PRKAG2: variants seen among roughly 807,000 people sequenced by gnomAD.
PRKAG2 encodes the protein 5'-AMP-activated protein kinase subunit gamma-2.
A neutral mutation model predicts 69.6 loss-of-function variants in PRKAG2; 26 were observed. The observed-to-expected ratio is 0.37, with a 90% CI of 0.27 to 0.52. The LOEUF (loss-of-function observed/expected upper bound fraction) is 0.52. Among genes scored for constraint, PRKAG2 ranks in the 20% least tolerant of loss-of-function variants. The pLI is 0.90. For missense variants in PRKAG2, 557 were observed against 740.0 expected, an observed-to-expected ratio of 0.75 and a Z score of 2.87; for synonymous variants, 293 against 285.0, an observed-to-expected ratio of 1.03 and a Z score of -0.28.
intron 1 of PRKAG2, chr7:151,809,253 A>G (rs1348721977): frequency 1.1e-5 from 5 of 456,470 alleles, no homozygotes; most frequent in Admixed American, 7.0e-5. Flanking sequence ...AAACAGGTGA[A>G]TCCCTAGGCC....
At chr7:151,773,362 A>C (rs2076183830) in intron 3 of PRKAG2, among the ~76,000 whole-genome samples, 1 of 152,212 alleles carries the variant, frequency 6.6e-6, no homozygotes, top group African/African-American at 2.4e-5. Context: ...TAGATCCCTA[A>C]GATCTATTCC....
At chr7:151,735,852 C>T (rs2151697420) in intron 3 of PRKAG2, 1 of 1,535,514 alleles carries the variant, frequency 6.5e-7, no homozygotes, top group African/African-American at 1.4e-5. Context: ...CGTGGGGTTC[C>T]CTCCCAAGGA....
intron 3 of PRKAG2, among the ~76,000 whole-genome samples, chr7:151,754,781 C>T (rs573227010): frequency 9.3e-5 from 14 of 150,266 alleles, no homozygotes; most frequent in Admixed American, 3.3e-4. Context: ...TCCAGCACTT[C>T]GAGCTGCACC....
chr7:151,867,910 C>T (rs1431511205), intron 1 of PRKAG2, among the ~76,000 whole-genome samples: 2 of 152,214 alleles, frequency 1.3e-5, no homozygotes, highest in Non-Finnish European at 2.9e-5. Context: ...CAGTGGAGGT[C>T]ACTGCAGGGC....
chr7:151,709,245 A>T (rs1395879029), intron 3 of PRKAG2, among the ~76,000 whole-genome samples: 1 of 151,946 alleles, frequency 6.6e-6, no homozygotes, highest in Admixed American at 6.6e-5. Flanking sequence ...TGTGAAATCG[A>T]TTTGTGACAA....
chr7:151,613,028 C>T (rs899410801), intron 5 of PRKAG2, among the ~76,000 whole-genome samples: 3 of 152,102 alleles, frequency 2.0e-5, no homozygotes, highest in Non-Finnish European at 2.9e-5. Flanking sequence ...GGAGCCCAGC[C>T]GATGTGTCCC....
At chr7:151,724,129 C>T (rs4726086) in intron 3 of PRKAG2, among the ~76,000 whole-genome samples, 89,299 of 151,992 alleles carry the variant, frequency 0.59, 27,456 homozygotes, top group East Asian at 0.89. Context: ...GCCCTGGGTC[C>T]GGGGGGTGCT....
chr7:151,613,504 TTA>T (rs1819358425), intron 5 of PRKAG2, among the ~76,000 whole-genome samples: 1 of 152,116 alleles, frequency 6.6e-6, no homozygotes, highest in African/African-American at 2.4e-5. Context: ...GGTTTTTATT[TTA>T]TATATGTTTG....
chr7:151,704,743 A>G (rs1438862821), intron 3 of PRKAG2, among the ~76,000 whole-genome samples: 1 of 152,146 alleles, frequency 6.6e-6, no homozygotes, highest in Admixed American at 6.5e-5. Context: ...ACTGCAATCC[A>G]CGCGGCACCT....
chr7:151,702,835 A>G lies in PRKAG2; in HGVS notation c.467-27198T>C, dbSNP rs551287690. Among the ~76,000 whole-genome samples the G allele has an allele frequency of 2.8e-3, 429 of 152,302 alleles. 1 individual carries two copies. Among genetic ancestry groups the G allele is most frequent in the African/African-American group, 9.7e-3 (404 of 41,572 alleles). On this transcript the variant is annotated intron_variant, in intron 3 of 15. Transcript: ENST00000287878. ...CAAGGAGGGCGAGGACCAGAGCCCA[A>G]AGGTCTCTCCTGGGAAGGGTCCAAG... is the stretch of plus-strand genomic sequence containing the variant.
chr7:151,565,672 C>A, intron 12 of PRKAG2, 48 bp downstream of exon 12: 1 of 1,578,558 alleles, frequency 6.3e-7, no homozygotes, highest in South Asian at 1.1e-5. Flanking sequence ...AATAATTGCA[C>A]CCTGAGATAA....
At chr7:151,770,430 T>G (rs1005757757) in intron 3 of PRKAG2, among the ~76,000 whole-genome samples, 5 of 152,218 alleles carry the variant, frequency 3.3e-5, no homozygotes, top group Admixed American at 6.5e-5. Flanking sequence ...TCCTATAACC[T>G]GTTGAATATG....
intron 3 of PRKAG2, among the ~76,000 whole-genome samples, chr7:151,696,538 T>C (rs1836705356): frequency 6.6e-6 from 1 of 152,138 alleles, no homozygotes; most frequent in African/African-American, 2.4e-5. Flanking sequence ...CTCCTTTGAC[T>C]GAGAACAAGG....
chr7:151,613,529 G>A (rs773363075), intron 5 of PRKAG2, among the ~76,000 whole-genome samples: 2 of 152,052 alleles, frequency 1.3e-5, no homozygotes, highest in African/African-American at 2.4e-5. Flanking sequence ...ATGGAGTCTC[G>A]TTCTGTCACC....
At chr7:151,816,196 G>T (rs4726101) in intron 1 of PRKAG2, among the ~76,000 whole-genome samples, 1 of 152,064 alleles carries the variant, frequency 6.6e-6, no homozygotes. Context: ...GAGGGTACCA[G>T]GCAATCCAGC....
intron 1 of PRKAG2, among the ~76,000 whole-genome samples, chr7:151,867,959 G>A (rs1458887903): frequency 1.3e-5 from 2 of 152,216 alleles, no homozygotes; most frequent in East Asian, 3.9e-4. Flanking sequence ...AAGGCCAGCA[G>A]AGCTGCAGGG....
chr7:151,678,784 C>T (rs1355169743), intron 3 of PRKAG2, among the ~76,000 whole-genome samples: 1 of 152,090 alleles, frequency 6.6e-6, no homozygotes, highest in Non-Finnish European at 1.5e-5. Context: ...CATGGCAAAA[C>T]CCCATCTCTA....
intron 3 of PRKAG2, among the ~76,000 whole-genome samples, chr7:151,764,405 G>T (rs1171128189): frequency 6.6e-6 from 1 of 152,126 alleles, no homozygotes; most frequent in African/African-American, 2.4e-5. Flanking sequence ...TTTTCATTTT[G>T]CTATTTGTCC....
At chr7:151,795,519 A>G (rs2077452968) in intron 1 of PRKAG2, among the ~76,000 whole-genome samples, 1 of 152,138 alleles carries the variant, frequency 6.6e-6, no homozygotes, top group African/African-American at 2.4e-5. Context: ...GGAGTCAGTA[A>G]CGGTTAATTT....
Sources: allele counts gnomAD v4.1 joint callset (sites outside exome capture counted in the v4.1 genomes callset), GRCh38; gene constraint gnomAD v4.1.1; transcripts MANE v1.5; gene names NCBI Gene and HGNC (gene_info 2026-07-23, HGNC 2026-07-21).